The following TRIM36 variants were observed in gnomAD, a reference collection of about 807,000 sequenced individuals.
TRIM36 encodes tripartite motif containing 36.
Under a neutral mutation model 72.4 loss-of-function variants are expected in TRIM36, and 42 were observed. That is an observed-to-expected ratio of 0.58 (90% CI 0.45 to 0.75). TRIM36 has a LOEUF of 0.75. TRIM36 is among the 30% of genes least tolerant of loss of function. The pLI, the probability that TRIM36 is intolerant of heterozygous loss-of-function variation, is 0.00. For synonymous variants in TRIM36, 315 were observed against 282.8 expected (o/e 1.11, Z -1.14); for missense variants, 913 against 857.1 (o/e 1.07, Z -0.81).
At chr5:115,171,633 A>G (rs933365399), upstream of TRIM36, among the ~76,000 whole-genome samples, 8 of 152,260 alleles carry the variant, frequency 5.3e-5, no homozygotes, top group African/African-American at 1.9e-4. Context: ...AAAAGTGATT[A>G]GAAGGCTCCA....
At chr5:115,131,741 G>T (rs974570096) in intron 8 of TRIM36, among the ~76,000 whole-genome samples, 1 of 152,114 alleles carries the variant, frequency 6.6e-6, no homozygotes, top group Non-Finnish European at 1.5e-5. Flanking sequence ...GATAAATTTC[G>T]ATACATGCTA....
At chr5:115,133,301 T>C (rs1752789035) in intron 8 of TRIM36, among the ~76,000 whole-genome samples, 1 of 152,192 alleles carries the variant, frequency 6.6e-6, no homozygotes, top group South Asian at 2.1e-4. Context: ...CAGTGGTTTT[T>C]AACTTGGGAA....
rs1752633071 is a variant in TRIM36, at chr5:115,130,775, T to C, written c.1613A>G (p.Glu538Gly). Residue 538 changes from glutamate (E) to glycine (G), a missense_variant, in exon 9 of 10, where the codon GAA (glutamate) becomes GGA (glycine). Coordinates refer to ENST00000513154, the MANE Select transcript of TRIM36 (RefSeq NM_001300759.2). The stretch of plus-strand genomic sequence containing the variant: ...TGTGTAATAACCCACTTGGATGCGT[T>C]CTGCAGCAAGCAGAAGATTAAATCC... ...RAGFNLLLAA[E>G]RIQVGYYTSL... is the part of the protein sequence containing the mutation. 1 of 1,614,152 alleles carries C rather than the reference T, an allele frequency of 6.2e-7. No homozygotes were observed. Among genetic ancestry groups the C allele is most frequent in the Non-Finnish European group, 8.5e-7 (1 of 1,180,032 alleles).
chr5:115,166,978 A>AC (rs1754812835), intron 1 of TRIM36, among the ~76,000 whole-genome samples: 1 of 151,930 alleles, frequency 6.6e-6, no homozygotes. Flanking sequence ...TCACTCATGC[A>AC]CCCCTTGCTG....
At chr5:115,171,316 C>T (rs543994383), upstream of TRIM36, 11 of 1,545,426 alleles carry the variant, frequency 7.1e-6, no homozygotes, top group East Asian at 2.3e-5. Flanking sequence ...GAACAGAGGA[C>T]GAAAGCTTTG....
chr5:115,177,889 CAGAG>C (rs560835718), intron 1 of TRIM36: 219 of 1,599,364 alleles, frequency 1.4e-4, no homozygotes, highest in African/African-American at 2.4e-4. Flanking sequence ...AAGAGAGAGA[CAGAG>C]AGAGAGAGAG....
At chr5:115,139,069 T>A (rs572957804) in intron 5 of TRIM36, among the ~76,000 whole-genome samples, 2 of 152,168 alleles carry the variant, frequency 1.3e-5, no homozygotes, top group South Asian at 4.2e-4. Flanking sequence ...TCTGCCTGCC[T>A]CGGCCTCTCA....
chr5:115,151,128 T>G (rs1029976212), intron 2 of TRIM36, among the ~76,000 whole-genome samples: 1 of 152,150 alleles, frequency 6.6e-6, no homozygotes, highest in African/African-American at 2.4e-5. Context: ...GCGGGTAGAC[T>G]GGGGCAAGTT....
chr5:115,130,041 G>T (rs1289024382), intron 9 of TRIM36, among the ~76,000 whole-genome samples: 5 of 152,100 alleles, frequency 3.3e-5, no homozygotes, highest in Admixed American at 6.6e-5. Context: ...GTTAAGCTGG[G>T]ATACTGTTCA....
chr5:115,128,475 G>A (rs771954266), intron 9 of TRIM36, among the ~76,000 whole-genome samples: 10 of 151,242 alleles, frequency 6.6e-5, no homozygotes, highest in East Asian at 2.0e-4. Flanking sequence ...AGTTTAGGCC[G>A]GGCGCGGTGG....
chr5:115,172,735 C>CA (rs759612615), upstream of TRIM36, among the ~76,000 whole-genome samples: 6,744 of 119,800 alleles, frequency 0.056, 184 homozygotes, highest in African/African-American at 0.086. Flanking sequence ...GACTCTGTCT[C>CA]AAAAAAAAAA....
chr5:115,138,666 T>C (rs1456708362), intron 5 of TRIM36, among the ~76,000 whole-genome samples: 3 of 152,162 alleles, frequency 2.0e-5, no homozygotes, highest in Non-Finnish European at 2.9e-5. Flanking sequence ...TAAACATTCA[T>C]ACAAACTGTC....
intron 2 of TRIM36, among the ~76,000 whole-genome samples, chr5:115,150,674 C>G (rs1338357446): frequency 6.6e-6 from 1 of 152,218 alleles, no homozygotes; most frequent in East Asian, 1.9e-4. Context: ...AGGAAGCAGA[C>G]TGCTCCTACA....
At chr5:115,128,861 G>A (rs1238368963) in intron 9 of TRIM36, among the ~76,000 whole-genome samples, 4 of 150,824 alleles carry the variant, frequency 2.7e-5, no homozygotes. Flanking sequence ...CAGCCTAAGT[G>A]TATAGTGTGT....
chr5:115,133,284 G>T (rs1471091726), intron 8 of TRIM36, among the ~76,000 whole-genome samples: 1 of 152,136 alleles, frequency 6.6e-6, no homozygotes, highest in East Asian at 1.9e-4. Context: ...CGCTCTATAT[G>T]TAGTATCAGT....
chr5:115,131,792 G>T (rs1210493192), intron 8 of TRIM36, among the ~76,000 whole-genome samples: 2 of 152,116 alleles, frequency 1.3e-5, no homozygotes, highest in Non-Finnish European at 2.9e-5. Context: ...GACAAATATT[G>T]CATTATTCCA....
In TRIM36 at chr5:115,125,899, A is replaced by G. The variant is rs1561414367; in HGVS notation, c.*604T>C. 6.6e-6 allele frequency: 1 copy of G among 152,220 alleles called. No individual in the cohort carries two copies. Among genetic ancestry groups the G allele is most frequent in the Non-Finnish European group, 1.5e-5 (1 of 68,038 alleles). 9.4% of individuals were successfully genotyped at this position (152,220 alleles called of 1,614,324 possible). A position where few individuals can be genotyped will look rare whatever the true frequency, so the allele number is the denominator to read the frequency against. On this transcript the variant is annotated 3_prime_UTR_variant, in exon 10 of 10. Transcript: ENST00000513154. Reference sequence around the variant, plus strand: ...AGCAATACAGTTTGTGGTCTTAACAAAACAAAACAGTAGTATTCCTTTTCC... The same window carrying G: ...AGCAATACAGTTTGTGGTCTTAACAGAACAAAACAGTAGTATTCCTTTTCC...
In TRIM36 at chr5:115,163,760, G is replaced by A; in HGVS notation, c.28-8C>T. The A allele has an allele frequency of 1.2e-6, 2 of 1,610,498 alleles. No homozygotes were observed. The highest frequency in any genetic ancestry group is 1.7e-6 in the Non-Finnish European group (2 of 1,176,878). On this transcript the variant is annotated splice_region_variant and splice_polypyrimidine_tract_variant and intron_variant, in intron 1 of 9. Coordinates refer to ENST00000513154, the MANE Select transcript of TRIM36 (RefSeq NM_001300759.2). ...GATATTCTTAATGGTAACCTTGAGA[G>A]TAAAATAGTCCAAGTTAAAGGCTCT...
Position 115,147,242 on chromosome 5 carries a change from C to T in TRIM36, c.415G>A (p.Ala139Thr). 6.2e-7 allele frequency: 1 copy of T among 1,614,172 alleles called. No individual in the cohort carries two copies. The highest frequency in any genetic ancestry group is 8.5e-7 in the Non-Finnish European group (1 of 1,180,044). Residue 139 changes from alanine (A) to threonine (T), a missense_variant, in exon 3 of 10, where the codon GCA (alanine) becomes ACA (threonine). Physicochemically the swap from Ala to Thr is moderately conservative, Grantham distance 58. Transcript: ENST00000513154. ...IVERYRQAAR[A>T]ATAIMCDLCK... ...AGGTCACACATAATGGCTGTGGCTG[C>T]CCTAGCTGCTTGACGATATCTTTCC...
Sources: gnomAD v4.1 joint callset for allele counts (sites outside exome capture counted in the v4.1 genomes callset) on GRCh38, gnomAD v4.1.1 for gene constraint, MANE v1.5 for transcripts, NCBI Gene and HGNC (gene_info 2026-07-23, HGNC 2026-07-21) for gene names.